The following ARHGAP5 variants were observed in gnomAD, a reference collection of about 807,000 sequenced individuals.
The protein encoded by ARHGAP5 is Rho GTPase activating protein 5.
Under a neutral mutation model 116.6 loss-of-function variants are expected in ARHGAP5, and 23 were observed. The ratio of observed to expected loss-of-function variants is 0.20; its 90% CI spans 0.14 to 0.28. The LOEUF is 0.28. Among genes scored for constraint, ARHGAP5 ranks in the 10% least tolerant of loss-of-function variants. The pLI is 1.00. For missense variants in ARHGAP5, 1,405 were observed against 1,774.8 expected, an observed-to-expected ratio of 0.79 and a Z score of 3.74; for synonymous variants, 574 against 602.0, an observed-to-expected ratio of 0.95 and a Z score of 0.68.
chr14:32,136,416 CTT>C (rs1360879586), intron 3 of ARHGAP5, among the ~76,000 whole-genome samples: 2 of 152,118 alleles, frequency 1.3e-5, no homozygotes, highest in Admixed American at 1.3e-4. Context: ...ATTATTTAGA[CTT>C]ATCCTCATTA....
intron 3 of ARHGAP5, among the ~76,000 whole-genome samples, chr14:32,140,086 G>GTTTTTTTTTTTTTTTTTTTTTT (rs1566681639): frequency 4.6e-5 from 2 of 43,634 alleles, no homozygotes; most frequent in African/African-American, 9.5e-5. Flanking sequence ...TTTTTTTTTA[G>GTTTTTTTTTTTTTTTTTTTTTT]GTTATTTGTT....
chr14:32,095,025 A>G (rs1692562143), intron 2 of ARHGAP5, among the ~76,000 whole-genome samples: 1 of 152,188 alleles, frequency 6.6e-6, no homozygotes, highest in Non-Finnish European at 1.5e-5. Context: ...CTTTTATTAG[A>G]TATTTTTCAC....
intron 5 of ARHGAP5, 61 bp downstream of exon 5, chr14:32,150,094 C>G: frequency 7.3e-7 from 1 of 1,374,144 alleles, no homozygotes; most frequent in Non-Finnish European, 9.7e-7. Context: ...ATATTGATTG[C>G]TAAGTGTTAA....
At chr14:32,112,009 G>C (rs1879334301) in intron 2 of ARHGAP5, among the ~76,000 whole-genome samples, 1 of 151,862 alleles carries the variant, frequency 6.6e-6, no homozygotes, top group African/African-American at 2.4e-5. Flanking sequence ...AGTAGAGGTG[G>C]TGTTTCACCA....
rs1878362164 is a variant in ARHGAP5, at chr14:32,093,368, T to C, written c.2699T>C (p.Leu900Ser). The change falls in exon 2 of 7, where the codon TTA becomes TCA. Residue 900 changes from leucine (L) to serine (S), a missense_variant. Coordinates refer to ENST00000345122, the MANE Select transcript of ARHGAP5 (RefSeq NM_001030055.2). Reference sequence around the variant, plus strand: ...TTTGAAAATGAGGCTATCAAAGAGTTAATGACTGAAGGAGAACACATTGCA... The same window carrying C: ...TTTGAAAATGAGGCTATCAAAGAGTCAATGACTGAAGGAGAACACATTGCA... ...DFFENEAIKE[L>S]MTEGEHIATE... is the part of the protein sequence containing the mutation. 6.2e-7 allele frequency: 1 copy of C among 1,613,904 alleles called. No individual in the cohort carries two copies. The highest frequency in any genetic ancestry group is 1.3e-5 in the African/African-American group (1 of 74,914).
chr14:32,094,913 C>T (rs1194731024), intron 2 of ARHGAP5, among the ~76,000 whole-genome samples: 1 of 152,196 alleles, frequency 6.6e-6, no homozygotes, highest in Non-Finnish European at 1.5e-5. Context: ...AGCAAGCATT[C>T]TTTCATCTTT....
chr14:32,090,841 A>T lies in ARHGAP5; in HGVS notation c.172A>T (p.Ser58Cys), dbSNP rs1878204780. 1 of 1,613,640 alleles carries T rather than the reference A, an allele frequency of 6.2e-7. No individual in the cohort carries two copies. The highest frequency in any genetic ancestry group is 2.2e-5 in the East Asian group (1 of 44,870). The change falls in exon 2 of 7, where the codon AGC becomes TGC. Residue 58 changes from serine to cysteine, a missense_variant. Coordinates refer to ENST00000345122, the MANE Select transcript of ARHGAP5 (RefSeq NM_001030055.2). ...TTATCCAGAGCATACTTCTGTGCTTAGCACCATTGACTTTGGAGGACGAGT... is the reference window on the plus strand; with the variant it reads ...TTATCCAGAGCATACTTCTGTGCTTTGCACCATTGACTTTGGAGGACGAGT... ...EYYPEHTSVL[S>C]TIDFGGRVVN...
rs1398436527 is a variant in ARHGAP5, at chr14:32,150,037, A to G, written c.4075+4A>G. ...CCAGAACTATTGGAAGCAGCAAGTAAGTATAAACCTCCTTTTTATGAGAGG... is the reference window on the plus strand; with the variant it reads ...CCAGAACTATTGGAAGCAGCAAGTAGGTATAAACCTCCTTTTTATGAGAGG... On this transcript the variant is annotated splice_donor_region_variant and intron_variant, in intron 5 of 6. Transcript: ENST00000345122. The G allele has an allele frequency of 1.3e-6, 2 of 1,571,316 alleles. No homozygotes were observed. Among genetic ancestry groups the G allele is most frequent in the Non-Finnish European group, 1.7e-6 (2 of 1,164,140 alleles).
intron 3 of ARHGAP5, among the ~76,000 whole-genome samples, chr14:32,132,210 A>C (rs955267473): frequency 6.6e-6 from 1 of 152,170 alleles, no homozygotes; most frequent in African/African-American, 2.4e-5. Context: ...AACAGTGTAA[A>C]AGTGTTCCTA....
chr14:32,101,429 G>A (rs1176759476), intron 2 of ARHGAP5, among the ~76,000 whole-genome samples: 3 of 152,098 alleles, frequency 2.0e-5, no homozygotes, highest in Non-Finnish European at 4.4e-5. Context: ...CTGATTTCTA[G>A]AACCTCACTC....
At chr14:32,140,086 G>GTTTTTTTTTTT (rs1566681639) in intron 3 of ARHGAP5, among the ~76,000 whole-genome samples, 2 of 43,634 alleles carry the variant, frequency 4.6e-5, no homozygotes, top group Non-Finnish European at 9.7e-5. Context: ...TTTTTTTTTA[G>GTTTTTTTTTTT]GTTATTTGTT....
chr14:32,122,191 CT>C (rs1566673819), intron 3 of ARHGAP5, among the ~76,000 whole-genome samples: 1 of 152,206 alleles, frequency 6.6e-6, no homozygotes, highest in East Asian at 1.9e-4. Context: ...GTTTATTTTT[CT>C]TTTTGATTAT....
intron 3 of ARHGAP5, among the ~76,000 whole-genome samples, chr14:32,124,795 T>C (rs1388467675): frequency 2.0e-5 from 3 of 152,182 alleles, no homozygotes; most frequent in South Asian, 4.1e-4. Flanking sequence ...TCTTTAGATA[T>C]GATTTTGGTA....
chr14:32,140,687 ACTCT>A (rs1247900240), intron 3 of ARHGAP5, among the ~76,000 whole-genome samples: 1 of 152,092 alleles, frequency 6.6e-6, no homozygotes, highest in Non-Finnish European at 1.5e-5. Context: ...CAGAGAACAT[ACTCT>A]CTATTATTTC....
chr14:32,092,303 A>T lies in ARHGAP5; in HGVS notation c.1634A>T (p.His545Leu). Residue 545 changes from histidine (H) to leucine (L), a missense_variant, in exon 2 of 7, where the codon CAT (histidine) becomes CTT (leucine). His to Leu is a moderately conservative substitution (Grantham distance 99, BLOSUM62 -3). Around this residue, in one of 6 missense-constraint regions of ARHGAP5, gnomAD observed 944 missense variants for 1,095.3 expected, o/e 0.86. Transcript: ENST00000345122. This position sits in a 1 kb window ranked among gnomAD's most constrained non-coding sequence, Gnocchi z 4.1. ...GATAGGGAATCCCTTCTACTTAAGCATATAGGATTTGTTTATCATCCCACT... is the reference window on the plus strand; with the variant it reads ...GATAGGGAATCCCTTCTACTTAAGCTTATAGGATTTGTTTATCATCCCACT... ...APDRESLLLK[H>L]IGFVYHPTKE... is the part of the protein sequence containing the mutation. 6.2e-7 allele frequency: 1 copy of T among 1,613,852 alleles called. No homozygotes were observed. Among genetic ancestry groups the T allele is most frequent in the Non-Finnish European group, 8.5e-7 (1 of 1,179,828 alleles).
intron 1 of ARHGAP5, among the ~76,000 whole-genome samples, chr14:32,087,638 CACTATATGGTG>C (rs1388137169): frequency 6.6e-6 from 1 of 151,856 alleles, no homozygotes; most frequent in Non-Finnish European, 1.5e-5. Context: ...GTTTGAAAAT[CACTATATGGTG>C]ACTCATGACA....
rs939926783 is a variant in ARHGAP5 at position 32,158,023 on chromosome 14, T to C, written c.*3075T>C. The C allele has an allele frequency of 2.0e-5, 3 of 151,750 alleles. No individual in the cohort carries two copies. Among genetic ancestry groups the C allele is most frequent in the Non-Finnish European group, 3.0e-5 (2 of 67,722 alleles). 9.4% of individuals were successfully genotyped at this position (151,750 alleles called of 1,614,324 possible). On this transcript the variant is annotated 3_prime_UTR_variant, in exon 7 of 7. Coordinates refer to ENST00000345122, the MANE Select transcript of ARHGAP5 (RefSeq NM_001030055.2). ...AAAAGTCAAAAGTGCTTTTGTTTCT[T>C]TGTTTAATGTAATTTTTGTGCTTCA...
In ARHGAP5 at chr14:32,090,626, A is replaced by G. The variant is rs760534545; in HGVS notation, c.-44A>G. 7 of 1,469,914 alleles carry G rather than the reference A, an allele frequency of 4.8e-6. No homozygotes were observed. The Admixed American group carries it at 6.8e-5, about 14-fold the overall frequency. The allele number at this position is 1,469,914 out of a possible 1,614,324, so 91.1% of individuals were successfully genotyped here. On this transcript the variant is annotated 5_prime_UTR_variant, in exon 2 of 7. Coordinates refer to ENST00000345122, the MANE Select transcript of ARHGAP5 (RefSeq NM_001030055.2). ...TGATTTTATTTTCAGAATGAGAAGC[A>G]TATCTGGTTACCTTTATGAATGTAG...
chr14:32,092,515 A>G lies in ARHGAP5; in HGVS notation c.1846A>G (p.Thr616Ala), dbSNP rs746843720. The G allele has an allele frequency of 6.2e-7, 1 of 1,614,048 alleles. No homozygotes were observed. The highest frequency in any genetic ancestry group is 1.1e-5 in the South Asian group (1 of 91,078). Residue 616 changes from threonine to alanine, a missense_variant, in exon 2 of 7, where the codon ACA becomes GCA. By Grantham distance (58) the Thr-to-Ala change is moderately conservative. This residue lies in a region of ARHGAP5 where 944 missense variants were observed against 1,095.3 expected (regional missense o/e 0.86). Transcript: ENST00000345122. The surrounding 1 kb of genome is among the most constrained non-coding windows in gnomAD (Gnocchi z 4.1). ...LAQELANEIR[T>A]QSTDDEYALD... ...CCAAGAACTAGCAAATGAGATAAGG[A>G]CACAATCCACTGATGATGAGTATGC...
Sources: gnomAD v4.1 joint callset for allele counts (sites outside exome capture counted in the v4.1 genomes callset) on GRCh38, gnomAD v4.1.1 for gene constraint, gnomAD v4.1.1 regional missense constraint, Gnocchi (gnomAD v3.1) non-coding constraint, MANE v1.5 for transcripts, NCBI Gene and HGNC (gene_info 2026-07-23, HGNC 2026-07-21) for gene names.